MAP2: variants seen among roughly 807,000 people sequenced by gnomAD.
MAP2 encodes the protein microtubule-associated protein 2.
Under a neutral mutation model 137.6 loss-of-function variants are expected in MAP2, and 14 were observed. That is an observed-to-expected ratio of 0.10 (90% CI 0.07 to 0.16). The LOEUF (loss-of-function observed/expected upper bound fraction) is 0.16, where lower values mean the gene tolerates loss of function less well. MAP2 is among the 10% of genes least tolerant of loss of function. The probability of loss-of-function intolerance (pLI) is 1.00; values close to 1 mark genes in which losing one functional copy is unlikely to be tolerated. For missense variants in MAP2, 2,088 were observed against 2,191.5 expected (o/e 0.95, Z 0.94); for synonymous variants, 786 against 782.3 (o/e 1.00, Z -0.08).
intron 13 of MAP2, chr2:209,723,723 T>C: frequency 6.9e-7 from 1 of 1,454,060 alleles, no homozygotes; most frequent in Non-Finnish European, 9.7e-7. Context: ...CTGTCCTGAT[T>C]GCGTGGAGCC....
chr2:209,465,218 T>G (rs1703821373), intron 1 of MAP2, among the ~76,000 whole-genome samples: 1 of 152,118 alleles, frequency 6.6e-6, no homozygotes, highest in South Asian at 2.1e-4. Flanking sequence ...GAGAGATTAT[T>G]TTATTTAGGA....
intron 2 of MAP2, among the ~76,000 whole-genome samples, chr2:209,578,989 T>TA (rs1419474946): frequency 6.6e-6 from 1 of 151,992 alleles, no homozygotes; most frequent in Non-Finnish European, 1.5e-5. Context: ...ATTATAACTG[T>TA]TAAAAGGGTA....
At chr2:209,632,365 A>C (rs2093160461) in intron 4 of MAP2, among the ~76,000 whole-genome samples, 1 of 152,160 alleles carries the variant, frequency 6.6e-6, no homozygotes, top group Admixed American at 6.6e-5. Context: ...GAAGTGGAGA[A>C]ACAGAGAAAA....
chr2:209,655,915 C>G (rs940504862), intron 5 of MAP2, among the ~76,000 whole-genome samples: 2 of 152,140 alleles, frequency 1.3e-5, no homozygotes, highest in Admixed American at 6.5e-5. Flanking sequence ...TCCGTTTTTG[C>G]TATAGTCCCC....
chr2:209,704,719 T>TCAGAG, intron 11 of MAP2: 2 of 1,180,452 alleles, frequency 1.7e-6, no homozygotes, highest in Non-Finnish European at 2.3e-6. Context: ...AGCAAATACT[T>TCAGAG]TACTCTGAAG....
intron 7 of MAP2, among the ~76,000 whole-genome samples, chr2:209,688,076 T>C (rs2057654046): frequency 6.6e-6 from 1 of 152,156 alleles, no homozygotes; most frequent in Non-Finnish European, 1.5e-5. Flanking sequence ...CTGTTTTCTC[T>C]GCATGAAAGT....
In MAP2 at chr2:209,648,738, G is replaced by A. The variant is rs529136605; in HGVS notation, c.-29-4404G>A. ...TGGGAGGTAGAGGTTGCAGTGAGCC[G>A]AGATCACACCACTGCACTCTAGCCT... is the stretch of plus-strand genomic sequence containing the variant. On this transcript the variant is annotated intron_variant, in intron 4 of 15. Transcript: ENST00000682079. Among the ~76,000 whole-genome samples, 228 of 144,160 alleles carry A rather than the reference G, an allele frequency of 1.6e-3. 2 individuals are homozygous for A. The highest frequency in any genetic ancestry group is 2.6e-3 in the Non-Finnish European group (176 of 66,636). The allele number at this position is 144,160 out of a possible 152,430, so 94.6% of individuals were successfully genotyped here. A position where few individuals can be genotyped will look rare whatever the true frequency, so the allele number is the denominator to read the frequency against.
At chr2:209,729,821 G>T in intron 14 of MAP2, 29 bp from the exon 15 acceptor site, 3 of 1,474,542 alleles carry the variant, frequency 2.0e-6, no homozygotes, top group Non-Finnish European at 2.8e-6. Context: ...GCAAGATATA[G>T]TTAAATCAAG....
rs542175593 is a variant in MAP2 at position 209,678,641 on chromosome 2, A to C, written c.332A>C (p.Glu111Ala). The change falls in exon 6 of 16, where the codon GAG becomes GCG. Residue 111 changes from glutamate to alanine, a missense_variant. By Grantham distance (107) the Glu-to-Ala change is moderately radical. This residue lies in a region of MAP2 where 859 missense variants were observed against 794.5 expected (regional missense o/e 1.08). Transcript: ENST00000682079. ...GTAGCAGTCCTGAAAGGTGAACAAG[A>C]GAAAGAAGCTCAACATAAAGACCAG... ...EAVAVLKGEQ[E>A]KEAQHKDQTA... The C allele has an allele frequency of 6.2e-7, 1 of 1,606,236 alleles. No individual in the cohort carries two copies. Among genetic ancestry groups the C allele is most frequent in the Admixed American group, 1.7e-5 (1 of 58,956 alleles).
chr2:209,719,035 G>A lies in MAP2; in HGVS notation c.5074-6674G>A, dbSNP rs200045866. Among the ~76,000 whole-genome samples, 74 of 152,188 alleles carry A rather than the reference G, an allele frequency of 4.9e-4. 1 individual carries two copies. Among genetic ancestry groups the A allele is most frequent in the African/African-American group, 1.4e-3 (60 of 41,530 alleles). On this transcript the variant is annotated intron_variant, in intron 13 of 15. Transcript: ENST00000682079. The stretch of plus-strand genomic sequence containing the variant: ...ATATTATGAAATAAAAAATACTTTC[G>A]AAAGAGAGAGAAAGTATTTTCATAA...
chr2:209,523,849 A>G lies in MAP2; in HGVS notation c.-172+16208A>G, dbSNP rs534633312. On this transcript the variant is annotated intron_variant, in intron 2 of 15. Coordinates refer to ENST00000682079, the MANE Select transcript of MAP2 (RefSeq NM_001375505.1). Reference sequence around the variant, plus strand: ...TTAAACATAACTTTTATAAAACTCTATTTTGAAAAGCGATGACTAACTATG... The same window carrying G: ...TTAAACATAACTTTTATAAAACTCTGTTTTGAAAAGCGATGACTAACTATG... 1.9e-3 allele frequency among the ~76,000 whole-genome samples: 288 copies of G among 152,294 alleles called. 1 individual carries two copies. The highest frequency in any genetic ancestry group is 6.6e-3 in the African/African-American group (273 of 41,578).
rs561436898 is a variant in MAP2, at chr2:209,700,345, A to AAAATAAGT, written c.4584+8_4584+15dup. 7.1e-4 allele frequency: 1,142 copies of AAAATAAGT among 1,608,068 alleles called. 2 individuals carry two copies. The highest frequency in any genetic ancestry group is 9.3e-4 in the Non-Finnish European group (1,089 of 1,176,444). On this transcript the variant is annotated splice_region_variant and intron_variant, in intron 11 of 15. Transcript: ENST00000682079. Reference sequence around the variant, plus strand: ...GGCAAAGGACAAAGTCTCTGTGAGTAAAATAAGTTTTTCCTTGTTCTTCAT... The same window carrying AAAATAAGT: ...GGCAAAGGACAAAGTCTCTGTGAGTAAAATAAGTAAATAAGTTTTTCCTTGTTCTTCAT...
At chr2:209,696,809 C>CAGA (rs3217099) in intron 9 of MAP2, 61 bp downstream of exon 9, 125,031 of 1,553,884 alleles carry the variant, frequency 0.08, 6,863 homozygotes, top group East Asian at 0.23. Context: ...TACTTTTTTG[C>CAGA]AGAACTGCCT....
At position 209,678,668 on chromosome 2, in the gene MAP2, C is replaced by T. The variant is rs1484973858; in HGVS notation, c.359C>T (p.Thr120Ile). Residue 120 changes from threonine to isoleucine, a missense_variant, in exon 6 of 16, where the codon ACT becomes ATT. Coordinates refer to ENST00000682079, the MANE Select transcript of MAP2 (RefSeq NM_001375505.1). ...AAAGAAGCTCAACATAAAGACCAGA[C>T]TGCAGCTCTGCCTTTAGGTAAATAA... ...QEKEAQHKDQ[T>I]AALPLAAEET... is the part of the protein sequence containing the mutation. The T allele has an allele frequency of 2.5e-6, 4 of 1,599,732 alleles. No individual in the cohort carries two copies. The highest frequency in any genetic ancestry group is 3.4e-6 in the Non-Finnish European group (4 of 1,171,884).
chr2:209,584,899 G>A (rs553636768), intron 3 of MAP2, among the ~76,000 whole-genome samples: 38 of 151,952 alleles, frequency 2.5e-4, no homozygotes, highest in Middle Eastern at 6.8e-3. Flanking sequence ...AAAAGCAAAG[G>A]GAGAAAGTAG....
chr2:209,605,980 A>G (rs931759091), intron 3 of MAP2, among the ~76,000 whole-genome samples: 1 of 152,202 alleles, frequency 6.6e-6, no homozygotes, highest in Non-Finnish European at 1.5e-5. Flanking sequence ...GAAAGGGTAA[A>G]GTTAGTGTTA....
chr2:209,536,541 T>G (rs2150664192), intron 2 of MAP2, among the ~76,000 whole-genome samples: 1 of 152,308 alleles, frequency 6.6e-6, no homozygotes, highest in East Asian at 1.9e-4. Flanking sequence ...CAACTCTTTG[T>G]CAGTCAAGTG....
At chr2:209,560,935 G>A (rs16843090) in intron 2 of MAP2, among the ~76,000 whole-genome samples, 3,003 of 152,242 alleles carry the variant, frequency 0.02, 94 homozygotes, top group African/African-American at 0.068. Context: ...GACAGAGGAC[G>A]GAGATGAGTA....
chr2:209,648,343 C>A (rs528735330), intron 4 of MAP2, among the ~76,000 whole-genome samples: 1 of 152,232 alleles, frequency 6.6e-6, no homozygotes, highest in South Asian at 2.1e-4. Context: ...TCATGATCCA[C>A]CCGACTTGGC....
Sources: gnomAD v4.1 joint callset for allele counts (sites outside exome capture counted in the v4.1 genomes callset) on GRCh38, gnomAD v4.1.1 for gene constraint, gnomAD v4.1.1 regional missense constraint, MANE v1.5 for transcripts, NCBI Gene and HGNC (gene_info 2026-07-23, HGNC 2026-07-21) for gene names.